Variants in ANKRD31 observed in about 807,000 individuals in gnomAD.
ANKRD31 encodes the protein ankyrin repeat domain-containing protein 31.
A neutral mutation model predicts 186.0 loss-of-function variants in ANKRD31; 147 were observed. The observed-to-expected ratio is 0.79, with a 90% CI of 0.69 to 0.91. ANKRD31 has a LOEUF of 0.91. ANKRD31 is among the 40% of genes least tolerant of loss of function. ANKRD31 has a pLI of 0.00. For missense variants in ANKRD31, 1,986 were observed against 2,148.8 expected (o/e 0.92, Z 1.50); for synonymous variants, 673 against 736.4 (o/e 0.91, Z 1.39).
intron 25 of ANKRD31, among the ~76,000 whole-genome samples, chr5:75,073,020 C>A (rs535886080): frequency 1.3e-5 from 2 of 152,230 alleles, no homozygotes; most frequent in East Asian, 1.9e-4. Flanking sequence ...CTCATTTGAT[C>A]CTCTTGAGAT....
intron 2 of ANKRD31, among the ~76,000 whole-genome samples, chr5:75,224,151 ATATATATATG>A (rs1416989728): frequency 0.015 from 811 of 54,162 alleles, 20 homozygotes; most frequent in African/African-American, 0.076. Flanking sequence ...ATATATATAT[ATATATATATG>A]TATATATATA....
intron 11 of ANKRD31, among the ~76,000 whole-genome samples, chr5:75,161,241 C>T (rs984549663): frequency 7.9e-5 from 12 of 152,146 alleles, no homozygotes; most frequent in African/African-American, 2.7e-4. Flanking sequence ...CAATGAAATC[C>T]AGGCTGAAGT....
rs1343014015 is a variant in ANKRD31 at position 75,105,222 on chromosome 5, T to C, written c.4341-4A>G. On this transcript the variant is annotated splice_polypyrimidine_tract_variant and splice_region_variant and intron_variant, in intron 21 of 25. Coordinates refer to ENST00000506364, the MANE Select transcript of ANKRD31 (RefSeq NM_001372053.1). ...CTTAAATGACTCTATGGATACCCTA[T>C]AGGAAGAAACAGAAAGAGAAAAAAT... 7 of 1,476,568 alleles carry C rather than the reference T, an allele frequency of 4.7e-6. No homozygotes were observed. The highest frequency in any genetic ancestry group is 4.3e-5 in the African/African-American group (3 of 70,242). 91.5% of individuals were successfully genotyped at this position (1,476,568 alleles called of 1,614,324 possible). A position where few individuals can be genotyped will look rare whatever the true frequency, so the allele number is the denominator to read the frequency against.
In ANKRD31 at chr5:75,118,299, T is replaced by G. The variant is rs946880842; in HGVS notation, c.3877-2A>C. The G allele has an allele frequency of 2.7e-6, 4 of 1,474,780 alleles. No individual in the cohort carries two copies. The South Asian group carries it at 5.6e-5, about 20-fold the overall frequency. The allele number at this position is 1,474,780 out of a possible 1,614,324, so 91.4% of individuals were successfully genotyped here. A position where few individuals can be genotyped will look rare whatever the true frequency, so the allele number is the denominator to read the frequency against. On this transcript the variant is annotated splice_acceptor_variant, in intron 17 of 25. Transcript: ENST00000506364. LOFTEE classifies it high-confidence loss of function. ...ATTTTGTAGTAGAATCTCAGCTGCC[T>G]ACAAAGTATTTTTTCAAAGTTATCT... is the stretch of plus-strand genomic sequence containing the variant.
chr5:75,184,891 A>G (rs1262568832), intron 10 of ANKRD31, among the ~76,000 whole-genome samples: 1 of 152,194 alleles, frequency 6.6e-6, no homozygotes, highest in Admixed American at 6.5e-5. Flanking sequence ...TCAGTATGTC[A>G]AAGATATATC....
At chr5:75,203,748 G>A (rs1313060978) in intron 5 of ANKRD31, among the ~76,000 whole-genome samples, 1 of 151,458 alleles carries the variant, frequency 6.6e-6, no homozygotes, top group East Asian at 1.9e-4. Flanking sequence ...TATTATCCAT[G>A]ACACCTCTGT....
chr5:75,151,252 C>T (rs1304473876), intron 12 of ANKRD31, among the ~76,000 whole-genome samples: 1 of 151,970 alleles, frequency 6.6e-6, no homozygotes. Context: ...ACAGACACAC[C>T]TAACAATAAT....
chr5:75,079,812 TA>T (rs1744944964), intron 25 of ANKRD31, among the ~76,000 whole-genome samples: 1 of 152,124 alleles, frequency 6.6e-6, no homozygotes, highest in Admixed American at 6.5e-5. Context: ...TTAGAAGCAG[TA>T]AATTCAGGTC....
intron 4 of ANKRD31, among the ~76,000 whole-genome samples, chr5:75,208,496 G>A (rs1756399220): frequency 6.6e-6 from 1 of 151,230 alleles, no homozygotes; most frequent in Admixed American, 6.6e-5. Flanking sequence ...TTATCTGACT[G>A]AGAAAGCTTC....
At chr5:75,227,570 A>G (rs1208182126) in intron 2 of ANKRD31, among the ~76,000 whole-genome samples, 1 of 152,216 alleles carries the variant, frequency 6.6e-6, no homozygotes, top group African/African-American at 2.4e-5. Flanking sequence ...TTAAAAATTA[A>G]AAAAAGAAAG....
chr5:75,178,987 C>A (rs1432440742), intron 10 of ANKRD31, among the ~76,000 whole-genome samples: 1 of 151,938 alleles, frequency 6.6e-6, no homozygotes. Flanking sequence ...AGACCTCTGG[C>A]AAGACTAATA....
intron 22 of ANKRD31, among the ~76,000 whole-genome samples, chr5:75,098,384 T>C (rs906259580): frequency 1.3e-5 from 2 of 152,226 alleles, no homozygotes; most frequent in African/African-American, 2.4e-5. Context: ...AGCTTTGTTC[T>C]TTTGGCTTAG....
chr5:75,149,290 G>T (rs1396359209), intron 12 of ANKRD31, among the ~76,000 whole-genome samples: 1 of 151,692 alleles, frequency 6.6e-6, no homozygotes, highest in Non-Finnish European at 1.5e-5. Context: ...AATATTCAAA[G>T]AATATTTGAC....
chr5:75,147,874 T>C (rs111849774), intron 13 of ANKRD31, among the ~76,000 whole-genome samples: 1,685 of 152,012 alleles, frequency 0.011, 23 homozygotes, highest in Middle Eastern at 0.034. Flanking sequence ...GGAAACTCTG[T>C]GTTGGTGTAC....
At chr5:75,189,272 A>C (rs1754943215) in intron 9 of ANKRD31, among the ~76,000 whole-genome samples, 1 of 152,222 alleles carries the variant, frequency 6.6e-6, no homozygotes, top group African/African-American at 2.4e-5. Context: ...TCAAGTATCA[A>C]TTCTCCACTG....
At chr5:75,185,501 T>C (rs944353206) in intron 10 of ANKRD31, among the ~76,000 whole-genome samples, 3 of 152,046 alleles carry the variant, frequency 2.0e-5, no homozygotes, top group Non-Finnish European at 4.4e-5. Context: ...GAGGTTGCAG[T>C]GAGCCAAGAT....
chr5:75,071,497 G>GT (rs368634855), intron 25 of ANKRD31, among the ~76,000 whole-genome samples: 29,727 of 131,306 alleles, frequency 0.23, 3,353 homozygotes, highest in South Asian at 0.41. Flanking sequence ...AAGCTGTTTT[G>GT]TTTTTTTTTT....
At chr5:75,124,293 G>A (rs1005999287) in intron 17 of ANKRD31, among the ~76,000 whole-genome samples, 1 of 152,152 alleles carries the variant, frequency 6.6e-6, no homozygotes, top group Non-Finnish European at 1.5e-5. Flanking sequence ...AGATGTTGAT[G>A]AGTATGTGGA....
chr5:75,168,347 T>G (rs1360699250), intron 11 of ANKRD31, among the ~76,000 whole-genome samples: 2 of 152,158 alleles, frequency 1.3e-5, no homozygotes, highest in African/African-American at 4.8e-5. Flanking sequence ...CAAGATATCT[T>G]CAGCAAGTGC....
Sources: allele counts gnomAD v4.1 joint callset (sites outside exome capture counted in the v4.1 genomes callset), GRCh38; gene constraint gnomAD v4.1.1; transcripts MANE v1.5; gene names NCBI Gene and HGNC (gene_info 2026-07-23, HGNC 2026-07-21).